The following CDH2 variants were observed in gnomAD, a reference collection of about 807,000 sequenced individuals.
CDH2 encodes the protein cadherin 2.
In CDH2, 17 loss-of-function variants were observed where a neutral mutation model predicts 92.0. The ratio of observed to expected loss-of-function variants is 0.18; its 90% CI spans 0.13 to 0.28. The LOEUF is 0.28. Among genes scored for constraint, CDH2 ranks in the 10% least tolerant of loss-of-function variants. CDH2 has a pLI of 1.00. For synonymous variants in CDH2, 419 were observed against 415.9 expected (o/e 1.01, Z -0.09); for missense variants, 862 against 1,133.1 (o/e 0.76, Z 3.44).
intron 2 of CDH2, among the ~76,000 whole-genome samples, chr18:28,144,763 T>A (rs888386182): frequency 2.6e-5 from 4 of 152,106 alleles, no homozygotes; most frequent in African/African-American, 9.7e-5. Context: ...GTGGATGTAT[T>A]CATGTGATAT....
intron 2 of CDH2, among the ~76,000 whole-genome samples, chr18:28,060,427 T>C (rs1292913415): frequency 1.3e-5 from 2 of 152,184 alleles, no homozygotes; most frequent in East Asian, 3.9e-4. Context: ...ACTCAAATGA[T>C]CTGCCTGGCT....
In CDH2 at chr18:28,111,718, T is replaced by C. The variant is rs145022512; in HGVS notation, c.172+35955A>G. ...CCCATGCTATCAATTAGCATAAAGA[T>C]TGAAAATGTCATTCACCTGTTTAAA... On this transcript the variant is annotated intron_variant, in intron 2 of 15. Transcript: ENST00000269141. Among the ~76,000 whole-genome samples the C allele has an allele frequency of 3.2e-3, 480 of 152,246 alleles. 4 individuals are homozygous for C. Among genetic ancestry groups the C allele is most frequent in the African/African-American group, 8.5e-3 (353 of 41,554 alleles).
At chr18:27,960,277 C>G (rs1479234915) in intron 15 of CDH2, among the ~76,000 whole-genome samples, 1 of 152,128 alleles carries the variant, frequency 6.6e-6, no homozygotes, top group African/African-American at 2.4e-5. Flanking sequence ...TGGATGGTGT[C>G]TAACCCATAC....
At chr18:28,093,214 G>C (rs375271902) in intron 2 of CDH2, among the ~76,000 whole-genome samples, 14 of 152,038 alleles carry the variant, frequency 9.2e-5, no homozygotes, top group African/African-American at 3.4e-4. Flanking sequence ...CAGATAGATG[G>C]ATATATACAC....
At chr18:28,117,412 T>A (rs2144265072) in intron 2 of CDH2, among the ~76,000 whole-genome samples, 1 of 152,258 alleles carries the variant, frequency 6.6e-6, no homozygotes, top group East Asian at 1.9e-4. Context: ...GGGTTAGGGC[T>A]GCTTACACCA....
chr18:28,107,728 A>T (rs942367224), intron 2 of CDH2, among the ~76,000 whole-genome samples: 1 of 152,126 alleles, frequency 6.6e-6, no homozygotes, highest in Non-Finnish European at 1.5e-5. Flanking sequence ...TGTCAAAAAT[A>T]GTATGTTTTC....
chr18:28,041,855 T>C (rs946370184), intron 2 of CDH2, among the ~76,000 whole-genome samples: 4 of 152,184 alleles, frequency 2.6e-5, no homozygotes, highest in African/African-American at 9.7e-5. Flanking sequence ...AAGTATACCA[T>C]TACAATAAAT....
intron 1 of CDH2, among the ~76,000 whole-genome samples, chr18:28,165,641 C>T (rs1339376268): frequency 6.6e-6 from 1 of 151,810 alleles, no homozygotes; most frequent in Non-Finnish European, 1.5e-5. Context: ...ATGTGTTGTC[C>T]AAGTCCACAC....
At chr18:28,156,752 C>CATGTCACCTTCCCAGGTACAGA (rs2016225072) in intron 1 of CDH2, among the ~76,000 whole-genome samples, 1 of 133,234 alleles carries the variant, frequency 7.5e-6, no homozygotes, top group African/African-American at 3.2e-5. Context: ...CCAGGTATAG[C>CATGTCACCTTCCCAGGTACAGA]ATGTCACCTT....
intron 2 of CDH2, among the ~76,000 whole-genome samples, chr18:28,027,936 G>A (rs1468560038): frequency 4.0e-5 from 6 of 151,636 alleles, no homozygotes; most frequent in South Asian, 2.1e-4. Context: ...TACAGGTGGC[G>A]TAGAAGCTCC....
intron 2 of CDH2, 73 bp downstream of exon 2, chr18:28,147,600 A>T (rs1373565045): frequency 1.1e-6 from 1 of 886,762 alleles, no homozygotes; most frequent in Non-Finnish European, 1.8e-6. Flanking sequence ...GAAATGATTT[A>T]GGCTTTTTTA....
At chr18:28,119,491 C>T (rs2015550938) in intron 2 of CDH2, among the ~76,000 whole-genome samples, 1 of 152,066 alleles carries the variant, frequency 6.6e-6, no homozygotes, top group African/African-American at 2.4e-5. Flanking sequence ...AATTTGAGAT[C>T]ATCAGGTTTT....
At chr18:28,099,684 A>G (rs1016010986) in intron 2 of CDH2, among the ~76,000 whole-genome samples, 2 of 152,102 alleles carry the variant, frequency 1.3e-5, no homozygotes, top group Non-Finnish European at 2.9e-5. Context: ...ATTAAATATA[A>G]ATATTAAATA....
chr18:28,151,766 C>T (rs1241934390), intron 1 of CDH2, among the ~76,000 whole-genome samples: 1 of 152,182 alleles, frequency 6.6e-6, no homozygotes, highest in Non-Finnish European at 1.5e-5. Context: ...GAATAACATA[C>T]ATTTCCCTAA....
At chr18:27,941,898 T>C (rs1270845161) in intron 6 of CDH2, among the ~76,000 whole-genome samples, 1 of 152,250 alleles carries the variant, frequency 6.6e-6, no homozygotes, top group Non-Finnish European at 1.5e-5. Context: ...ACTTGGATAT[T>C]CTTCCAGAGC....
chr18:27,957,976 T>C (rs2011293584), intron 15 of CDH2, among the ~76,000 whole-genome samples: 1 of 152,220 alleles, frequency 6.6e-6, no homozygotes, highest in Non-Finnish European at 1.5e-5. Context: ...TTACCTGTAA[T>C]AGTTACTAAT....
At chr18:28,146,174 AG>A (rs553028181) in intron 2 of CDH2, 171 of 152,240 alleles carry the variant, frequency 1.1e-3, no homozygotes, top group African/African-American at 3.8e-3. Flanking sequence ...ACAAATTATA[AG>A]CTTTTAGAAA....
intron 2 of CDH2, among the ~76,000 whole-genome samples, chr18:28,018,284 G>A (rs933935150): frequency 3.3e-5 from 5 of 151,710 alleles, no homozygotes; most frequent in African/African-American, 7.3e-5. Flanking sequence ...GGGTGGAATC[G>A]ATATCGTGAA....
chr18:28,159,481 C>A (rs1472687339), intron 1 of CDH2, among the ~76,000 whole-genome samples: 4 of 152,140 alleles, frequency 2.6e-5, no homozygotes, highest in Non-Finnish European at 4.4e-5. Context: ...GAATTCAAGA[C>A]AGGGAGGACA....
Sources: allele counts gnomAD v4.1 joint callset (sites outside exome capture counted in the v4.1 genomes callset), GRCh38; gene constraint gnomAD v4.1.1; transcripts MANE v1.5; gene names NCBI Gene and HGNC (gene_info 2026-07-23, HGNC 2026-07-21).